NUDT3: variants seen among roughly 807,000 people sequenced by gnomAD.
The protein encoded by NUDT3 is nudix hydrolase 3.
NUDT3 carries 9 observed loss-of-function variants against 23.6 expected under a neutral mutation model. That is an observed-to-expected ratio of 0.38 (90% CI 0.23 to 0.66). The LOEUF is 0.66. Among genes scored for constraint, NUDT3 ranks in the 30% least tolerant of loss-of-function variants. The probability of loss-of-function intolerance (pLI) is 0.52; values close to 1 mark genes in which losing one functional copy is unlikely to be tolerated. For synonymous variants in NUDT3, 86 were observed against 82.6 expected, an observed-to-expected ratio of 1.04 and a Z score of -0.22; for missense variants, 172 against 218.5, an observed-to-expected ratio of 0.79 and a Z score of 1.34.
chr6:34,356,146 G>A lies in NUDT3; in HGVS notation c.100-14174C>T, dbSNP rs549025465. On this transcript the variant is annotated intron_variant, in intron 1 of 4. Coordinates refer to ENST00000607016, the MANE Select transcript of NUDT3 (RefSeq NM_006703.4). ...ATACTTAACAATGTAAGAAGGCCCTGGAAAGAAAGGATAAATGCCTGAGGT... is the reference window on the plus strand; with the variant it reads ...ATACTTAACAATGTAAGAAGGCCCTAGAAAGAAAGGATAAATGCCTGAGGT... 3.3e-5 allele frequency among the ~76,000 whole-genome samples: 5 copies of A among 152,178 alleles called. No homozygotes were observed. In the East Asian group the frequency reaches 9.6e-4, roughly 29 times the overall value.
At chr6:34,336,783 C>T (rs1382470129) in intron 2 of NUDT3, among the ~76,000 whole-genome samples, 7 of 151,564 alleles carry the variant, frequency 4.6e-5, no homozygotes, top group African/African-American at 1.2e-4. Flanking sequence ...ATATATTAAA[C>T]GTATAAATGC....
chr6:34,317,309 C>T (rs1198846588), intron 2 of NUDT3, among the ~76,000 whole-genome samples: 1 of 152,002 alleles, frequency 6.6e-6, no homozygotes, highest in Non-Finnish European at 1.5e-5. Context: ...ATTACTCACC[C>T]ATCCACACAA....
chr6:34,359,588 A>T (rs1764616597), intron 1 of NUDT3, among the ~76,000 whole-genome samples: 2 of 152,224 alleles, frequency 1.3e-5, no homozygotes, highest in African/African-American at 4.8e-5. Flanking sequence ...TCCATATTGT[A>T]GCATGTATCA....
intron 1 of NUDT3, among the ~76,000 whole-genome samples, chr6:34,361,612 T>C (rs1372074622): frequency 1.3e-5 from 2 of 152,176 alleles, no homozygotes; most frequent in African/African-American, 2.4e-5. Context: ...TGCCAAAATC[T>C]TGGAAGCAAC....
chr6:34,362,165 T>C (rs1581890723), intron 1 of NUDT3, among the ~76,000 whole-genome samples: 1 of 152,330 alleles, frequency 6.6e-6, no homozygotes, highest in East Asian at 1.9e-4. Context: ...TAAAGTCTAT[T>C]TTTAAAAGTA....
intron 1 of NUDT3, among the ~76,000 whole-genome samples, chr6:34,366,327 G>C (rs759795966): frequency 2.6e-5 from 4 of 151,436 alleles, no homozygotes; most frequent in Non-Finnish European, 4.4e-5. Context: ...AGTGAGTCAT[G>C]ATTTTGCCAC....
chr6:34,333,919 C>T (rs1764166646), intron 2 of NUDT3, among the ~76,000 whole-genome samples: 1 of 152,230 alleles, frequency 6.6e-6, no homozygotes. Flanking sequence ...ACAGAGTCAA[C>T]AGACACGTAA....
chr6:34,322,015 A>G (rs1561906410), intron 2 of NUDT3, among the ~76,000 whole-genome samples: 1 of 152,200 alleles, frequency 6.6e-6, no homozygotes, highest in East Asian at 1.9e-4. Flanking sequence ...GAAAGCCTTA[A>G]TTAGTTTAAC....
chr6:34,358,355 T>A (rs555242678), intron 1 of NUDT3, among the ~76,000 whole-genome samples: 1 of 152,214 alleles, frequency 6.6e-6, no homozygotes, highest in South Asian at 2.1e-4. Flanking sequence ...ATCGACAGGA[T>A]GTTGAAACTT....
intron 1 of NUDT3, among the ~76,000 whole-genome samples, chr6:34,371,762 A>G (rs377518691): frequency 6.6e-6 from 1 of 152,176 alleles, no homozygotes; most frequent in Non-Finnish European, 1.5e-5. Context: ...TTTTTATATT[A>G]TACTTTAAGT....
intron 1 of NUDT3, among the ~76,000 whole-genome samples, chr6:34,374,092 G>A (rs1234378678): frequency 2.7e-5 from 4 of 149,324 alleles, no homozygotes; most frequent in African/African-American, 9.9e-5. Context: ...GGGAGGCAGA[G>A]GTTGCAGCAA....
chr6:34,372,710 A>C (rs1764851652), intron 1 of NUDT3, among the ~76,000 whole-genome samples: 1 of 152,092 alleles, frequency 6.6e-6, no homozygotes, highest in Non-Finnish European at 1.5e-5. Context: ...AGGCTGAGGC[A>C]GGAGAATCGC....
chr6:34,307,691 CA>C (rs1310639834), intron 2 of NUDT3, among the ~76,000 whole-genome samples: 1 of 152,010 alleles, frequency 6.6e-6, no homozygotes, highest in African/African-American at 2.4e-5. Context: ...ATAAGATGCT[CA>C]ATTAAAACCA....
intron 2 of NUDT3, among the ~76,000 whole-genome samples, chr6:34,311,677 T>C (rs1285207401): frequency 6.6e-6 from 1 of 152,192 alleles, no homozygotes; most frequent in Non-Finnish European, 1.5e-5. Context: ...AGACTTACTA[T>C]AATGCTACAG....
At position 34,391,266 on chromosome 6, in the gene NUDT3, T is replaced by C. The variant is rs1355845435; in HGVS notation, c.99+998A>G. On this transcript the variant is annotated intron_variant, in intron 1 of 4. Coordinates refer to ENST00000607016, the MANE Select transcript of NUDT3 (RefSeq NM_006703.4). ...CCATAGCCCACTGCTGAATCCAATA[T>C]AACATATTGGATTTCACTGTCCTTC... Among the ~76,000 whole-genome samples, 13 of 152,262 alleles carry C rather than the reference T, an allele frequency of 8.5e-5. 1 individual carries two copies. In the South Asian group the frequency reaches 2.3e-3, roughly 27 times the overall value.
At position 34,287,923 on chromosome 6, in the gene NUDT3, C is replaced by T. The variant is rs959041593; in HGVS notation, c.*830G>A. The T allele has an allele frequency of 6.6e-6, 1 of 151,960 alleles. No homozygotes were observed. The highest frequency in any genetic ancestry group is 1.5e-5 in the Non-Finnish European group (1 of 67,996). The allele number at this position is 151,960 out of a possible 1,614,324, so 9.4% of individuals were successfully genotyped here. A position where few individuals can be genotyped will look rare whatever the true frequency, so the allele number is the denominator to read the frequency against. On this transcript the variant is annotated 3_prime_UTR_variant, in exon 5 of 5. Transcript: ENST00000607016. Reference sequence around the variant, plus strand: ...TGTTTTTACAGATCTGGGCTGAGGCCATTTGCTCCTTGCTTGGTTAAAAAA... The same window carrying T: ...TGTTTTTACAGATCTGGGCTGAGGCTATTTGCTCCTTGCTTGGTTAAAAAA...
At chr6:34,386,616 CCCATGAT>C (rs1765111356) in intron 1 of NUDT3, among the ~76,000 whole-genome samples, 1 of 151,378 alleles carries the variant, frequency 6.6e-6, no homozygotes, top group Non-Finnish European at 1.5e-5. Context: ...GGTTTGGCTA[CCCATGAT>C]CTATTACCTT....
At chr6:34,324,142 G>A (rs1763987543) in intron 2 of NUDT3, among the ~76,000 whole-genome samples, 3 of 152,074 alleles carry the variant, frequency 2.0e-5, no homozygotes, top group Admixed American at 2.0e-4. Flanking sequence ...ATCACCTGAG[G>A]TCAGGAGTTT....
chr6:34,302,975 T>C (rs1009201646), intron 2 of NUDT3, among the ~76,000 whole-genome samples: 1 of 152,202 alleles, frequency 6.6e-6, no homozygotes, highest in Non-Finnish European at 1.5e-5. Flanking sequence ...AACTTTATCT[T>C]AATACTTGGA....
Sources: allele counts gnomAD v4.1 joint callset (sites outside exome capture counted in the v4.1 genomes callset), GRCh38; gene constraint gnomAD v4.1.1; transcripts MANE v1.5; gene names NCBI Gene and HGNC (gene_info 2026-07-23, HGNC 2026-07-21).